The following NPY1R variants were observed in gnomAD, a reference collection of about 807,000 sequenced individuals.
The protein encoded by NPY1R is neuropeptide Y receptor type 1.
A neutral mutation model predicts 24.1 loss-of-function variants in NPY1R; 10 were observed. The observed-to-expected ratio is 0.42, with a 90% CI of 0.26 to 0.71. NPY1R has a LOEUF of 0.71. Among genes scored for constraint, NPY1R ranks in the 30% least tolerant of loss-of-function variants. NPY1R has a pLI of 0.28. For missense variants in NPY1R, 350 were observed against 458.0 expected (o/e 0.76, Z 2.15); for synonymous variants, 168 against 165.9 (o/e 1.01, Z -0.10).
chr4:163,329,209 CTG>C (rs1734673445), intron 1 of NPY1R, among the ~76,000 whole-genome samples: 1 of 152,130 alleles, frequency 6.6e-6, no homozygotes, highest in Non-Finnish European at 1.5e-5. Flanking sequence ...GACCTTCTCA[CTG>C]TGTTTCTAGT....
At chr4:163,339,231 G>A (rs1336482416) in intron 1 of NPY1R, among the ~76,000 whole-genome samples, 1 of 152,086 alleles carries the variant, frequency 6.6e-6, no homozygotes, top group Admixed American at 6.6e-5. Flanking sequence ...TCACCTTCAT[G>A]CTATTACAAC....
Position 163,326,097 on chromosome 4 carries a change from C to T in NPY1R, c.458G>A (p.Arg153Lys), listed in dbSNP as rs1734600093. The T allele has an allele frequency of 1.9e-6, 3 of 1,614,098 alleles. No individual in the cohort carries two copies. The highest frequency in any genetic ancestry group is 1.3e-5 in the African/African-American group (1 of 75,052). Residue 153 changes from arginine to lysine, a missense_variant, in exon 2 of 3, where the codon AGA becomes AAA. Physicochemically the swap from Arg to Lys is conservative, Grantham distance 26 (BLOSUM62 2). Transcript: ENST00000296533. ...CACAGCAATACCTACATAAGCATGTCTATTATTTGGTCTCCACCCTCGAGG... is the reference window on the plus strand; with the variant it reads ...CACAGCAATACCTACATAAGCATGTTTATTATTTGGTCTCCACCCTCGAGG... ...INPRGWRPNN[R>K]HAYVGIAVIW...
chr4:163,341,339 T>C (rs1392765114), intron 1 of NPY1R, among the ~76,000 whole-genome samples: 1 of 152,100 alleles, frequency 6.6e-6, no homozygotes, highest in Non-Finnish European at 1.5e-5. Flanking sequence ...GAGAAATAAA[T>C]GCATAAAGTA....
rs1178031965 is a variant in NPY1R, at chr4:163,325,977, T to A, written c.578A>T (p.Lys193Ile). Residue 193 changes from lysine to isoleucine, a missense_variant, in exon 2 of 3, where the codon AAA becomes ATA. Lys to Ile is a moderately radical substitution (Grantham distance 102, BLOSUM62 -3). Coordinates refer to ENST00000296533, the MANE Select transcript of NPY1R (RefSeq NM_000909.6). ...TTGATCAAAGCACACGTATTTGTCT[T>A]TGTACGCATCAAGTGTTACATTTTG... The part of the protein sequence containing the change: ...PFQNVTLDAY[K>I]DKYVCFDQFP... 2 of 1,614,126 alleles carry A rather than the reference T, an allele frequency of 1.2e-6. No individual in the cohort carries two copies. The highest frequency in any genetic ancestry group is 1.7e-6 in the Non-Finnish European group (2 of 1,179,976).
At chr4:163,336,759 G>A (rs775112128), upstream of NPY1R, among the ~76,000 whole-genome samples, 5 of 152,138 alleles carry the variant, frequency 3.3e-5, no homozygotes, top group African/African-American at 1.2e-4. Context: ...TCAGGAGTTC[G>A]AGACCAGCCT....
Position 163,326,310 on chromosome 4 carries a change from A to T in NPY1R, c.245T>A (p.Leu82His), listed in dbSNP as rs1160956094. 6.2e-7 allele frequency: 1 copy of T among 1,614,178 alleles called. No individual in the cohort carries two copies. The highest frequency in any genetic ancestry group is 1.7e-5 in the Admixed American group (1 of 60,036). The change falls in exon 2 of 3, where the codon CTT (leucine) becomes CAT (histidine). Residue 82 changes from leucine (L) to histidine (H), a missense_variant. Transcript: ENST00000296533. ...RNVTNILIVN[L>H]SFSDLLVAIM... The stretch of plus-strand genomic sequence containing the variant: ...GGCAACAAGCAAGTCTGAGAAGGAA[A>T]GGTTCACAATCAGGATGTTGGTAAC...
At chr4:163,332,181 G>C (rs1734747080) in intron 1 of NPY1R, among the ~76,000 whole-genome samples, 1 of 152,322 alleles carries the variant, frequency 6.6e-6, no homozygotes, top group South Asian at 2.1e-4. Context: ...AAAGAGAACC[G>C]GGGTAAAGGA....
At chr4:163,333,303 AGTACT>A (rs1411069569), upstream of NPY1R, among the ~76,000 whole-genome samples, 7 of 152,102 alleles carry the variant, frequency 4.6e-5, no homozygotes, top group African/African-American at 1.7e-4. Context: ...TTAGTACTAC[AGTACT>A]GAACATTATG....
intron 1 of NPY1R, among the ~76,000 whole-genome samples, chr4:163,339,977 C>A (rs1734939039): frequency 6.6e-6 from 1 of 152,060 alleles, no homozygotes; most frequent in African/African-American, 2.4e-5. Flanking sequence ...AAAGGCATAT[C>A]ATTCAACTTT....
upstream of NPY1R, among the ~76,000 whole-genome samples, chr4:163,337,450 G>A (rs542849302): frequency 2.0e-5 from 3 of 152,114 alleles, no homozygotes; most frequent in African/African-American, 4.8e-5. Context: ...ATAATTAAAC[G>A]CCATAGGGTA....
intron 1 of NPY1R, among the ~76,000 whole-genome samples, chr4:163,341,058 T>C (rs1294528639): frequency 6.6e-6 from 1 of 151,900 alleles, no homozygotes; most frequent in Non-Finnish European, 1.5e-5. Context: ...ACACAATACT[T>C]TGGGCTAAAC....
upstream of NPY1R, among the ~76,000 whole-genome samples, chr4:163,333,875 T>A (rs957416527): frequency 2.6e-5 from 4 of 152,188 alleles, no homozygotes; most frequent in African/African-American, 9.6e-5. Context: ...TAATTAAGAA[T>A]TAAAATGTCA....
At chr4:163,328,169 G>T (rs1197747885) in intron 1 of NPY1R, among the ~76,000 whole-genome samples, 1 of 151,598 alleles carries the variant, frequency 6.6e-6, no homozygotes, top group Admixed American at 6.6e-5. Flanking sequence ...AATGAAGTCA[G>T]AATGAAACTA....
At chr4:163,342,333 G>A (rs1735006800) in intron 1 of NPY1R, among the ~76,000 whole-genome samples, 1 of 152,220 alleles carries the variant, frequency 6.6e-6, no homozygotes, top group South Asian at 2.1e-4. Context: ...TGTATTTGAA[G>A]TGTACATGTT....
At chr4:163,339,989 G>C (rs1734939219) in intron 1 of NPY1R, among the ~76,000 whole-genome samples, 1 of 151,898 alleles carries the variant, frequency 6.6e-6, no homozygotes, top group Admixed American at 6.6e-5. Context: ...TTCAACTTTT[G>C]GTCCTGAGCT....
At chr4:163,334,880 A>T (rs1036504020), upstream of NPY1R, among the ~76,000 whole-genome samples, 26 of 151,764 alleles carry the variant, frequency 1.7e-4, no homozygotes, top group Non-Finnish European at 2.9e-4. Flanking sequence ...AAAAAAAAAA[A>T]AAGAAATGCT....
upstream of NPY1R, among the ~76,000 whole-genome samples, chr4:163,334,957 G>A (rs542605136): frequency 1.5e-4 from 22 of 150,142 alleles, no homozygotes; most frequent in South Asian, 8.4e-4. Context: ...GTGAAAAATA[G>A]AGAAATTAGA....
At chr4:163,334,861 G>GAAAAAAAA (rs545497813), upstream of NPY1R, among the ~76,000 whole-genome samples, 1 of 66,906 alleles carries the variant, frequency 1.5e-5, no homozygotes, top group Non-Finnish European at 3.0e-5. Flanking sequence ...CTCTGTTTTG[G>GAAAAAAAA]AAAAAAAAAA....
At chr4:163,334,345 T>C (rs1345315570), upstream of NPY1R, among the ~76,000 whole-genome samples, 2 of 152,270 alleles carry the variant, frequency 1.3e-5, no homozygotes, top group African/African-American at 2.4e-5. Flanking sequence ...CTTTCTCTAT[T>C]TCCCAAGAAT....
Sources: gnomAD v4.1 joint callset for allele counts (sites outside exome capture counted in the v4.1 genomes callset) on GRCh38, gnomAD v4.1.1 for gene constraint, MANE v1.5 for transcripts, NCBI Gene and HGNC (gene_info 2026-07-23, HGNC 2026-07-21) for gene names.